Variants in SLC25A21 observed in about 807,000 individuals in gnomAD.
SLC25A21 encodes the protein solute carrier family 25 member 21, also known as mitochondrial 2-oxodicarboxylate carrier.
In SLC25A21, 47 loss-of-function variants were observed where a neutral mutation model predicts 43.8. The observed-to-expected ratio is 1.07, with a 90% CI of 0.85 to 1.37. The LOEUF is 1.37. SLC25A21 is among the 40% of genes most tolerant of loss of function. The probability of loss-of-function intolerance (pLI) is 0.00; values close to 1 mark genes in which losing one functional copy is unlikely to be tolerated. For synonymous variants in SLC25A21, 131 were observed against 121.3 expected (o/e 1.08, Z -0.52); for missense variants, 352 against 350.2 (o/e 1.00, Z -0.04).
intron 1 of SLC25A21, among the ~76,000 whole-genome samples, chr14:37,138,339 C>A (rs1046697807): frequency 2.6e-5 from 4 of 152,128 alleles, no homozygotes; most frequent in African/African-American, 9.6e-5. Context: ...GAGTCATATT[C>A]AAAATTTATA....
intron 1 of SLC25A21, among the ~76,000 whole-genome samples, chr14:36,955,493 T>C (rs1483726892): frequency 6.6e-6 from 1 of 152,224 alleles, no homozygotes; most frequent in African/African-American, 2.4e-5. Context: ...GTCATTTAGA[T>C]GGCCTACTTG....
intron 1 of SLC25A21, among the ~76,000 whole-genome samples, chr14:36,974,858 C>G (rs1381164024): frequency 1.3e-5 from 2 of 152,126 alleles, no homozygotes; most frequent in Non-Finnish European, 2.9e-5. Flanking sequence ...AGGCAATATA[C>G]TTGGACCTCA....
rs1290394981 is a variant in SLC25A21, at chr14:36,876,440, T to C, written c.71-1436A>G. ...AAGGCTTCCCAAGTCAAGCACCCAG[T>C]TGGAGTCTCATTGCCTAGAGACAGG... On this transcript the variant is annotated intron_variant, in intron 1 of 9. Coordinates refer to ENST00000331299, the MANE Select transcript of SLC25A21 (RefSeq NM_030631.4). Among the ~76,000 whole-genome samples the C allele has an allele frequency of 3.9e-5, 6 of 152,290 alleles. No individual in the cohort carries two copies. The East Asian group carries it at 1.2e-3, about 29-fold the overall frequency.
intron 1 of SLC25A21, among the ~76,000 whole-genome samples, chr14:37,063,579 GT>G (rs1358419908): frequency 2.0e-5 from 3 of 152,022 alleles, no homozygotes. Flanking sequence ...CACAACTGAG[GT>G]GCATGTTGTG....
At chr14:37,044,400 C>A (rs1961543629) in intron 1 of SLC25A21, among the ~76,000 whole-genome samples, 1 of 152,108 alleles carries the variant, frequency 6.6e-6, no homozygotes, top group African/African-American at 2.4e-5. Context: ...CATGTTTCTT[C>A]TCCTGAAAAC....
chr14:37,119,338 C>A (rs1963163359), intron 1 of SLC25A21, among the ~76,000 whole-genome samples: 1 of 152,132 alleles, frequency 6.6e-6, no homozygotes, highest in Non-Finnish European at 1.5e-5. Context: ...CACTTGAGGT[C>A]AGGCATTCGA....
chr14:36,686,734 G>T lies in SLC25A21; in HGVS notation c.604-1809C>A, dbSNP rs1372085087. Among the ~76,000 whole-genome samples the T allele has an allele frequency of 2.6e-5, 4 of 152,092 alleles. No individual in the cohort carries two copies. The South Asian group carries it at 8.3e-4, about 32-fold the overall frequency. Reference sequence around the variant, plus strand: ...AAGCTCTCTTTCTTTTTCAATTAAGGACAAGAATGGAAATGATGATTTGTA... The same window carrying T: ...AAGCTCTCTTTCTTTTTCAATTAAGTACAAGAATGGAAATGATGATTTGTA... On this transcript the variant is annotated intron_variant, in intron 7 of 9. Coordinates refer to ENST00000331299, the MANE Select transcript of SLC25A21 (RefSeq NM_030631.4).
At chr14:37,131,593 T>C (rs1231256736) in intron 1 of SLC25A21, among the ~76,000 whole-genome samples, 1 of 152,222 alleles carries the variant, frequency 6.6e-6, no homozygotes, top group African/African-American at 2.4e-5. Flanking sequence ...ATACAATTCA[T>C]ACTAAATTAT....
At chr14:36,907,904 CTTTA>C (rs1891578746) in intron 1 of SLC25A21, among the ~76,000 whole-genome samples, 1 of 152,116 alleles carries the variant, frequency 6.6e-6, no homozygotes, top group African/African-American at 2.4e-5. Flanking sequence ...CCGATTTCTT[CTTTA>C]TTTAAAAAGT....
chr14:37,067,149 T>G (rs949771891), intron 1 of SLC25A21, among the ~76,000 whole-genome samples: 2 of 152,134 alleles, frequency 1.3e-5, no homozygotes, highest in Non-Finnish European at 2.9e-5. Context: ...GGGGCAAAAT[T>G]TGAAGAACTA....
At chr14:36,951,196 C>A (rs1356348842) in intron 1 of SLC25A21, among the ~76,000 whole-genome samples, 1 of 139,282 alleles carries the variant, frequency 7.2e-6, no homozygotes, top group Non-Finnish European at 1.5e-5. Context: ...ACAAAAAGAG[C>A]AATAGTTTAA....
intron 3 of SLC25A21, among the ~76,000 whole-genome samples, chr14:36,790,068 C>G (rs1005403450): frequency 6.7e-6 from 1 of 148,826 alleles, no homozygotes; most frequent in Non-Finnish European, 1.5e-5. Context: ...TGGTTATGAG[C>G]TTTCAACTTG....
intron 1 of SLC25A21, among the ~76,000 whole-genome samples, chr14:37,168,960 G>C (rs1964076085): frequency 6.6e-6 from 1 of 152,172 alleles, no homozygotes; most frequent in Non-Finnish European, 1.5e-5. Flanking sequence ...CTATCTTGTG[G>C]AAGACTGCCA....
chr14:36,715,105 T>C (rs1792861232), intron 6 of SLC25A21, among the ~76,000 whole-genome samples: 1 of 152,226 alleles, frequency 6.6e-6, no homozygotes, highest in Admixed American at 6.5e-5. Context: ...ACATAGGTAA[T>C]AAGAGTTTCA....
intron 1 of SLC25A21, among the ~76,000 whole-genome samples, chr14:36,943,138 T>C (rs1892604884): frequency 1.3e-5 from 2 of 152,162 alleles, no homozygotes; most frequent in Non-Finnish European, 2.9e-5. Flanking sequence ...GACTCTATGA[T>C]TTGCTGAAGA....
At chr14:36,848,078 C>G (rs1889604249) in intron 2 of SLC25A21, among the ~76,000 whole-genome samples, 1 of 152,176 alleles carries the variant, frequency 6.6e-6, no homozygotes, top group South Asian at 2.1e-4. Context: ...AGGGAAAAGT[C>G]AGGGTGGAGA....
At chr14:37,120,413 AT>A (rs1464934902) in intron 1 of SLC25A21, among the ~76,000 whole-genome samples, 1 of 152,360 alleles carries the variant, frequency 6.6e-6, no homozygotes, top group African/African-American at 2.4e-5. Context: ...ATGTTTTTAA[AT>A]GACCAAAGGG....
chr14:37,036,918 G>A (rs1021905002), intron 1 of SLC25A21, among the ~76,000 whole-genome samples: 5 of 152,188 alleles, frequency 3.3e-5, no homozygotes, highest in African/African-American at 1.2e-4. Context: ...TTTAGTTTCT[G>A]AAGCGGAGGA....
At position 36,932,464 on chromosome 14, in the gene SLC25A21, A is replaced by G. The variant is rs148258846; in HGVS notation, c.71-57460T>C. Among the ~76,000 whole-genome samples the G allele has an allele frequency of 4.5e-3, 686 of 152,068 alleles. 2 individuals carry two copies. The highest frequency in any genetic ancestry group is 8.6e-3 in the Admixed American group (131 of 15,250). ...TTTTAATGTTTTTCTGTTCTTTATC[A>G]TGTTATCTTTTAATGAGGTGTTTTC... On this transcript the variant is annotated intron_variant, in intron 1 of 9. Coordinates refer to ENST00000331299, the MANE Select transcript of SLC25A21 (RefSeq NM_030631.4).
Sources: allele counts gnomAD v4.1 joint callset (sites outside exome capture counted in the v4.1 genomes callset), GRCh38; gene constraint gnomAD v4.1.1; transcripts MANE v1.5; gene names NCBI Gene and HGNC (gene_info 2026-07-23, HGNC 2026-07-21).